The following UEVLD variants were observed in gnomAD, a reference collection of about 807,000 sequenced individuals.
The protein encoded by UEVLD is UEV and lactate/malate dehyrogenase domains.
A neutral mutation model predicts 58.6 loss-of-function variants in UEVLD; 47 were observed. The ratio of observed to expected loss-of-function variants is 0.80; its 90% CI spans 0.63 to 1.02. The LOEUF (loss-of-function observed/expected upper bound fraction) is 1.02. Among genes scored for constraint, UEVLD ranks in the 50% least tolerant of loss-of-function variants. UEVLD has a pLI of 0.00. For missense variants in UEVLD, 510 were observed against 550.6 expected, an observed-to-expected ratio of 0.93 and a Z score of 0.74; for synonymous variants, 197 against 195.3, an observed-to-expected ratio of 1.01 and a Z score of -0.07.
chr11:18,535,781 T>C (rs1850766379), intron 10 of UEVLD, among the ~76,000 whole-genome samples: 1 of 152,212 alleles, frequency 6.6e-6, no homozygotes, highest in African/African-American at 2.4e-5. Flanking sequence ...TTTCCAGTTC[T>C]ATTTGTGTGT....
At chr11:18,532,867 T>C (rs1850625811) in intron 11 of UEVLD, among the ~76,000 whole-genome samples, 1 of 152,108 alleles carries the variant, frequency 6.6e-6, no homozygotes, top group Non-Finnish European at 1.5e-5. Flanking sequence ...CAATAGCTTC[T>C]TTAAAAAATA....
At chr11:18,548,924 C>G (rs1238308292) in intron 7 of UEVLD, among the ~76,000 whole-genome samples, 1 of 152,142 alleles carries the variant, frequency 6.6e-6, no homozygotes, top group Non-Finnish European at 1.5e-5. Context: ...CAGTAGATAC[C>G]TGGTGATGAG....
At chr11:18,588,025 A>C (rs1259940420) in intron 1 of UEVLD, among the ~76,000 whole-genome samples, 1 of 151,996 alleles carries the variant, frequency 6.6e-6, no homozygotes, top group Non-Finnish European at 1.5e-5. Flanking sequence ...TTCATCTCTA[A>C]ATCTACTCAG....
At chr11:18,549,941 C>G (rs1851457292) in intron 7 of UEVLD, among the ~76,000 whole-genome samples, 1 of 151,958 alleles carries the variant, frequency 6.6e-6, no homozygotes, top group Non-Finnish European at 1.5e-5. Context: ...CCTGCGTCTG[C>G]CTCCCAAGTA....
At chr11:18,542,958 T>C (rs1190344477) in intron 9 of UEVLD, among the ~76,000 whole-genome samples, 2 of 145,818 alleles carry the variant, frequency 1.4e-5, no homozygotes, top group African/African-American at 5.0e-5. Flanking sequence ...AGTGGTGTGA[T>C]CTCGGCTCAC....
At chr11:18,566,577 T>C in intron 4 of UEVLD, 95 bp from the exon 5 acceptor site, 1 of 1,343,886 alleles carries the variant, frequency 7.4e-7, no homozygotes, top group Non-Finnish European at 1.0e-6. Context: ...GCCCAGGAGT[T>C]TCAGATGCAG....
At chr11:18,552,346 G>A (rs1245074776) in intron 7 of UEVLD, among the ~76,000 whole-genome samples, 16 of 152,154 alleles carry the variant, frequency 1.1e-4, no homozygotes, top group Non-Finnish European at 1.6e-4. Context: ...CGAGTTTTGA[G>A]ACCAGCCTGA....
intron 2 of UEVLD, 41 bp downstream of exon 2, chr11:18,578,683 T>C: frequency 1.3e-6 from 2 of 1,481,528 alleles, no homozygotes; most frequent in Non-Finnish European, 9.3e-7. Context: ...AATTAGTAGT[T>C]CAAATAATGC....
chr11:18,570,515 G>A (rs911819714), intron 3 of UEVLD, 138 bp from the exon 4 acceptor site: 3 of 746,534 alleles, frequency 4.0e-6, no homozygotes, highest in East Asian at 3.5e-5. Flanking sequence ...GGATGCTGAG[G>A]TGAGCAGATT....
intron 3 of UEVLD, among the ~76,000 whole-genome samples, chr11:18,574,210 C>T (rs1472942893): frequency 1.3e-5 from 2 of 152,220 alleles, no homozygotes; most frequent in South Asian, 2.1e-4. Flanking sequence ...GGCACAATCT[C>T]GGCTCACTGC....
intron 9 of UEVLD, chr11:18,539,334 T>G (rs548369464): frequency 6.6e-6 from 1 of 152,084 alleles, no homozygotes; most frequent in Admixed American, 6.6e-5. Flanking sequence ...CCCAAAGTGC[T>G]AGGATTATAG....
At chr11:18,584,757 T>A (rs1853453231) in intron 1 of UEVLD, among the ~76,000 whole-genome samples, 1 of 152,068 alleles carries the variant, frequency 6.6e-6, no homozygotes, top group Admixed American at 6.5e-5. Context: ...CTCAGCCTCC[T>A]GAGTAGCTGG....
intron 1 of UEVLD, among the ~76,000 whole-genome samples, chr11:18,586,310 G>A (rs1293884615): frequency 6.6e-6 from 1 of 152,116 alleles, no homozygotes; most frequent in Non-Finnish European, 1.5e-5. Context: ...CACCTCCCAG[G>A]TTCAAGTGAT....
intron 11 of UEVLD, among the ~76,000 whole-genome samples, chr11:18,533,492 T>A (rs1850661454): frequency 6.6e-6 from 1 of 151,424 alleles, no homozygotes; most frequent in Non-Finnish European, 1.5e-5. Context: ...CAGAAGAAAT[T>A]TATGGATATA....
At chr11:18,547,302 G>A (rs565084161) in intron 7 of UEVLD, among the ~76,000 whole-genome samples, 1 of 152,286 alleles carries the variant, frequency 6.6e-6, no homozygotes, top group Non-Finnish European at 1.5e-5. Context: ...GAGGCTGGTG[G>A]ATCACTTGAG....
At chr11:18,575,309 T>G in intron 3 of UEVLD, 38 bp downstream of exon 3, 1 of 1,574,422 alleles carries the variant, frequency 6.4e-7, no homozygotes, top group East Asian at 2.2e-5. Flanking sequence ...AACTGCTCTT[T>G]TAGAAAACTC....
At chr11:18,583,444 C>A (rs1236446598) in intron 1 of UEVLD, among the ~76,000 whole-genome samples, 2 of 152,062 alleles carry the variant, frequency 1.3e-5, no homozygotes, top group African/African-American at 4.8e-5. Flanking sequence ...GTCTCGAACT[C>A]TTGACCTCAG....
chr11:18,577,935 T>G (rs1853016598), intron 2 of UEVLD, among the ~76,000 whole-genome samples: 1 of 149,308 alleles, frequency 6.7e-6, no homozygotes, highest in African/African-American at 2.5e-5. Context: ...GAAAACCAAA[T>G]TCTTACTATT....
rs186614303 is a variant in UEVLD, at chr11:18,585,283, T to C, written c.42+3330A>G. Reference sequence around the variant, plus strand: ...GTGTATTATTTTAAAACGGTTTGCATATTCTGAGCCTATAACATTTATCTT... The same window carrying C: ...GTGTATTATTTTAAAACGGTTTGCACATTCTGAGCCTATAACATTTATCTT... On this transcript the variant is annotated intron_variant, in intron 1 of 11. Transcript: ENST00000396197. Among the ~76,000 whole-genome samples the C allele has an allele frequency of 6.7e-4, 102 of 152,328 alleles. No homozygotes were observed. In the East Asian group the frequency reaches 0.014, roughly 21 times the overall value.
Sources: allele counts gnomAD v4.1 joint callset (sites outside exome capture counted in the v4.1 genomes callset), GRCh38; gene constraint gnomAD v4.1.1; transcripts MANE v1.5; gene names NCBI Gene and HGNC (gene_info 2026-07-23, HGNC 2026-07-21).